The following CDH20 variants were observed in gnomAD, a reference collection of about 807,000 sequenced individuals.
CDH20 encodes the protein cadherin-20.
CDH20 carries 29 observed loss-of-function variants against 74.2 expected under a neutral mutation model. The observed-to-expected ratio is 0.39, with a 90% confidence interval of 0.29 to 0.53. The LOEUF (loss-of-function observed/expected upper bound fraction) is 0.53, where lower values mean the gene tolerates loss of function less well. Among genes scored for constraint, CDH20 ranks in the 20% least tolerant of loss-of-function variants. CDH20 has a pLI of 0.69. For synonymous variants in CDH20, 469 were observed against 405.4 expected, an observed-to-expected ratio of 1.16 and a Z score of -1.88; for missense variants, 988 against 1,048.3, an observed-to-expected ratio of 0.94 and a Z score of 0.79.
chr18:61,540,924 A>G (rs952817916), intron 9 of CDH20, among the ~76,000 whole-genome samples: 9 of 152,214 alleles, frequency 5.9e-5, no homozygotes, highest in African/African-American at 2.2e-4. Flanking sequence ...AATTTATCTA[A>G]CAATCCTTGA....
Position 61,554,752 on chromosome 18 carries a change from CG to C in CDH20, c.*59del. On this transcript the variant is annotated 3_prime_UTR_variant, in exon 12 of 12. Coordinates refer to ENST00000262717, the MANE Select transcript of CDH20 (RefSeq NM_031891.4). ...CCAGACGTTCTCCGCGGGTGCTTCG[CG>C]GACAAGGTGCAGCCAACCACACGAG... 3.4e-6 allele frequency: 5 copies of C among 1,480,732 alleles called. No individual in the cohort carries two copies. The highest frequency in any genetic ancestry group is 4.5e-6 in the Non-Finnish European group (5 of 1,115,276). The allele number at this position is 1,480,732 out of a possible 1,614,324, so 91.7% of individuals were successfully genotyped here. A position where few individuals can be genotyped will look rare whatever the true frequency, so the allele number is the denominator to read the frequency against.
At chr18:61,522,716 T>A (rs950841100) in intron 6 of CDH20, among the ~76,000 whole-genome samples, 5 of 152,004 alleles carry the variant, frequency 3.3e-5, no homozygotes, top group African/African-American at 1.2e-4. Context: ...CCAAAACAGA[T>A]ATATAGACCA....
At chr18:61,394,376 G>A (rs1911892488) in intron 1 of CDH20, among the ~76,000 whole-genome samples, 1 of 152,166 alleles carries the variant, frequency 6.6e-6, no homozygotes, top group Admixed American at 6.5e-5. Flanking sequence ...AGGTCATTAG[G>A]GTGGGCCCTA....
chr18:61,445,309 A>C (rs1459032316), intron 1 of CDH20, among the ~76,000 whole-genome samples: 1 of 152,042 alleles, frequency 6.6e-6, no homozygotes, highest in Admixed American at 6.5e-5. Context: ...ATTTACACAA[A>C]AAAAATCCAC....
chr18:61,482,434 A>T (rs553557010), intron 1 of CDH20, among the ~76,000 whole-genome samples: 91 of 152,162 alleles, frequency 6.0e-4, no homozygotes, highest in Non-Finnish European at 1.0e-3. Context: ...TGCCTCCTTG[A>T]TGTTTCAGAC....
chr18:61,552,176 T>G (rs1913459161), intron 11 of CDH20, among the ~76,000 whole-genome samples: 1 of 7,310 alleles, frequency 1.4e-4, no homozygotes, highest in South Asian at 2.6e-3. Flanking sequence ...ACTTCCTGGG[T>G]TTTTTTTTTT....
At chr18:61,390,862 A>C (rs1911758453) in intron 1 of CDH20, among the ~76,000 whole-genome samples, 1 of 152,184 alleles carries the variant, frequency 6.6e-6, no homozygotes, top group Non-Finnish European at 1.5e-5. Flanking sequence ...ATACATTCAT[A>C]ATAGAAAATA....
chr18:61,410,179 T>C (rs1318223378), intron 1 of CDH20, among the ~76,000 whole-genome samples: 1 of 152,156 alleles, frequency 6.6e-6, no homozygotes, highest in African/African-American at 2.4e-5. Context: ...GTGTTCTCCT[T>C]AGTTCAAGCA....
chr18:61,335,830 T>C (rs979548827), intron 1 of CDH20, among the ~76,000 whole-genome samples: 1 of 152,362 alleles, frequency 6.6e-6, no homozygotes, highest in South Asian at 2.1e-4. Flanking sequence ...ATGTGTGCCA[T>C]GTGGCAGTAT....
intron 1 of CDH20, among the ~76,000 whole-genome samples, chr18:61,437,392 A>C (rs978219128): frequency 6.6e-6 from 1 of 152,146 alleles, no homozygotes; most frequent in Non-Finnish European, 1.5e-5. Context: ...TTCACTCTTG[A>C]TGAGAATGCA....
intron 1 of CDH20, among the ~76,000 whole-genome samples, chr18:61,425,300 G>A (rs12605252): frequency 0.067 from 10,248 of 152,284 alleles, 465 homozygotes; most frequent in East Asian, 0.12. Flanking sequence ...ACCGGGAAGT[G>A]ATGGGAACTT....
At chr18:61,500,793 A>G (rs1174796669) in intron 4 of CDH20, among the ~76,000 whole-genome samples, 1 of 152,212 alleles carries the variant, frequency 6.6e-6, no homozygotes, top group African/African-American at 2.4e-5. Context: ...GGTTATATTT[A>G]TTCCCAGGGA....
chr18:61,521,674 A>T (rs1033059222), intron 6 of CDH20, among the ~76,000 whole-genome samples: 4 of 151,356 alleles, frequency 2.6e-5, no homozygotes, highest in Non-Finnish European at 5.9e-5. Context: ...AAAATCCTCA[A>T]TAACATACTG....
intron 1 of CDH20, among the ~76,000 whole-genome samples, chr18:61,463,229 T>C (rs1208082637): frequency 6.6e-6 from 1 of 152,158 alleles, no homozygotes; most frequent in Non-Finnish European, 1.5e-5. Context: ...ACTGTTCTCC[T>C]ATCCTTGCTT....
At chr18:61,537,990 G>A (rs976753051) in intron 8 of CDH20, among the ~76,000 whole-genome samples, 8 of 152,108 alleles carry the variant, frequency 5.3e-5, no homozygotes, top group African/African-American at 1.9e-4. Flanking sequence ...GACAGGAGGA[G>A]CACTACCAGA....
intron 1 of CDH20, among the ~76,000 whole-genome samples, chr18:61,436,928 T>A (rs1008559367): frequency 6.6e-6 from 1 of 152,088 alleles, no homozygotes; most frequent in Non-Finnish European, 1.5e-5. Flanking sequence ...TCACTTAACC[T>A]CTCTAGTCTC....
chr18:61,416,812 T>C (rs1170222004), intron 1 of CDH20, among the ~76,000 whole-genome samples: 1 of 152,164 alleles, frequency 6.6e-6, no homozygotes, highest in South Asian at 2.1e-4. Flanking sequence ...AAGAAGCAAA[T>C]AATGGATACT....
At chr18:61,528,743 G>A (rs908948308) in intron 7 of CDH20, among the ~76,000 whole-genome samples, 6 of 152,098 alleles carry the variant, frequency 3.9e-5, no homozygotes, top group African/African-American at 1.2e-4. Context: ...ATGTCAAAAT[G>A]TTAAAATCCA....
intron 1 of CDH20, among the ~76,000 whole-genome samples, chr18:61,460,084 T>TA (rs1372455439): frequency 6.6e-6 from 1 of 151,372 alleles, no homozygotes; most frequent in African/African-American, 2.5e-5. Context: ...ACACTGGTTT[T>TA]AAAAACAAAC....
Sources: gnomAD v4.1 joint callset for allele counts (sites outside exome capture counted in the v4.1 genomes callset) on GRCh38, gnomAD v4.1.1 for gene constraint, MANE v1.5 for transcripts, NCBI Gene and HGNC (gene_info 2026-07-23, HGNC 2026-07-21) for gene names.